The following MAD1L1 variants were observed in gnomAD, a reference collection of about 807,000 sequenced individuals.
MAD1L1 encodes mitotic spindle assembly checkpoint protein MAD1.
Under a neutral mutation model 96.9 loss-of-function variants are expected in MAD1L1, and 95 were observed. The observed-to-expected ratio is 0.98, with a 90% confidence interval of 0.83 to 1.16. MAD1L1 has a LOEUF of 1.16. MAD1L1 is among the 50% of genes most tolerant of loss of function. The pLI, the probability that MAD1L1 is intolerant of heterozygous loss-of-function variation, is 0.00. For synonymous variants in MAD1L1, 473 were observed against 396.6 expected (o/e 1.19, Z -2.29); for missense variants, 1,007 against 954.4 (o/e 1.06, Z -0.73).
intron 11 of MAD1L1, among the ~76,000 whole-genome samples, chr7:2,095,708 G>A (rs745355004): frequency 4.6e-5 from 7 of 152,244 alleles, no homozygotes; most frequent in Non-Finnish European, 8.8e-5. Flanking sequence ...AGGGGCACAG[G>A]GACACACAGG....
intron 11 of MAD1L1, among the ~76,000 whole-genome samples, chr7:2,096,866 G>A (rs1317491703): frequency 2.0e-5 from 3 of 152,130 alleles, no homozygotes; most frequent in East Asian, 1.9e-4. Flanking sequence ...TGGCCCAGGC[G>A]TGGGCCCCAC....
chr7:2,170,256 G>A (rs1397445060), intron 10 of MAD1L1, among the ~76,000 whole-genome samples: 1 of 152,216 alleles, frequency 6.6e-6, no homozygotes, highest in Non-Finnish European at 1.5e-5. Flanking sequence ...GGCAGCACAC[G>A]TGCACATAAA....
At chr7:1,967,721 G>A (rs1391793735) in intron 15 of MAD1L1, among the ~76,000 whole-genome samples, 1 of 152,218 alleles carries the variant, frequency 6.6e-6, no homozygotes. Flanking sequence ...GTGAGGAAGG[G>A]CTCAGAAAAC....
chr7:1,850,979 G>C (rs1783941270), intron 18 of MAD1L1, among the ~76,000 whole-genome samples: 3 of 152,212 alleles, frequency 2.0e-5, no homozygotes, highest in Admixed American at 2.0e-4. Context: ...TCGCGTCCGT[G>C]GGTCGAGGAC....
intron 16 of MAD1L1, among the ~76,000 whole-genome samples, chr7:1,951,385 T>C (rs902512694): frequency 4.6e-5 from 7 of 152,054 alleles, no homozygotes; most frequent in Non-Finnish European, 1.5e-5. Context: ...CCGTCCGGGG[T>C]GTGGCTCACT....
chr7:2,160,249 AT>A (rs997599409), intron 10 of MAD1L1, among the ~76,000 whole-genome samples: 3 of 151,712 alleles, frequency 2.0e-5, no homozygotes, highest in South Asian at 4.2e-4. Flanking sequence ...AAAAAAAAAA[AT>A]CTAAAAGATA....
chr7:1,985,467 T>TCG (rs1406265760), intron 14 of MAD1L1, among the ~76,000 whole-genome samples: 2 of 151,912 alleles, frequency 1.3e-5, no homozygotes, highest in Non-Finnish European at 2.9e-5. Flanking sequence ...AGTCACTCTC[T>TCG]CGGGATAGAC....
At chr7:2,116,578 G>C (rs963125927) in intron 11 of MAD1L1, among the ~76,000 whole-genome samples, 2 of 150,742 alleles carry the variant, frequency 1.3e-5, no homozygotes, top group African/African-American at 2.4e-5. Flanking sequence ...GGGGGGGGGG[G>C]GGGCTCCTGT....
At chr7:2,117,495 CAT>C (rs776145535) in intron 11 of MAD1L1, among the ~76,000 whole-genome samples, 11 of 152,210 alleles carry the variant, frequency 7.2e-5, no homozygotes, top group Admixed American at 3.9e-4. Context: ...ATAATGCCCA[CAT>C]GTCATGGGAG....
chr7:2,029,953 T>C (rs3735210), intron 12 of MAD1L1, among the ~76,000 whole-genome samples: 11,658 of 152,228 alleles, frequency 0.077, 956 homozygotes, highest in African/African-American at 0.2. Flanking sequence ...AGATCATCCC[T>C]AGCGCCCAGA....
At chr7:2,052,350 T>A (rs1020395710) in intron 12 of MAD1L1, among the ~76,000 whole-genome samples, 3 of 152,136 alleles carry the variant, frequency 2.0e-5, no homozygotes, top group African/African-American at 7.2e-5. Flanking sequence ...GGTAACAGCC[T>A]CAGGAAGACC....
intron 10 of MAD1L1, among the ~76,000 whole-genome samples, chr7:2,182,120 T>C (rs1374252325): frequency 3.3e-5 from 5 of 151,790 alleles, no homozygotes; most frequent in South Asian, 4.2e-4. Context: ...CCAAAAACTA[T>C]TGAAATAAAA....
chr7:1,980,381 A>C, intron 15 of MAD1L1, 72 bp downstream of exon 15: 1 of 1,334,424 alleles, frequency 7.5e-7, no homozygotes. Context: ...CCCGCAGGAC[A>C]CACCTGGGCG....
At chr7:2,093,138 G>A (rs761436621) in intron 11 of MAD1L1, among the ~76,000 whole-genome samples, 6 of 151,460 alleles carry the variant, frequency 4.0e-5, no homozygotes, top group South Asian at 2.1e-4. Flanking sequence ...CCAGCTACTC[G>A]GGAGACTGAG....
At chr7:1,888,530 G>A (rs12699430) in intron 18 of MAD1L1, among the ~76,000 whole-genome samples, 3,756 of 121,944 alleles carry the variant, frequency 0.031, 56 homozygotes, top group Non-Finnish European at 0.042. Flanking sequence ...ATGCGTGTGT[G>A]GTTGCCTGTG....
At chr7:1,898,417 G>A in intron 17 of MAD1L1, 27 bp from the exon 18 acceptor site, 1 of 1,606,616 alleles carries the variant, frequency 6.2e-7, no homozygotes, top group Non-Finnish European at 8.5e-7. Flanking sequence ...AGGAGACAGT[G>A]AGTGCGGCAC....
At chr7:1,840,131 C>T (rs1366178407) in intron 18 of MAD1L1, among the ~76,000 whole-genome samples, 2 of 152,194 alleles carry the variant, frequency 1.3e-5, no homozygotes, top group Non-Finnish European at 2.9e-5. Context: ...ATCCCCCAAG[C>T]CCAGGTCTGA....
chr7:2,224,905 C>T (rs528315227), intron 4 of MAD1L1, among the ~76,000 whole-genome samples: 41 of 152,280 alleles, frequency 2.7e-4, no homozygotes, highest in Non-Finnish European at 5.3e-4. Flanking sequence ...AGCATGGACC[C>T]GAGACCCTGA....
At chr7:2,231,478 GCA>G (rs376061079) in intron 1 of MAD1L1, among the ~76,000 whole-genome samples, 14 of 152,188 alleles carry the variant, frequency 9.2e-5, no homozygotes, top group African/African-American at 3.4e-4. Flanking sequence ...GTGGTGGCGT[GCA>G]CCTGTAATCC....
Sources: gnomAD v4.1 joint callset for allele counts (sites outside exome capture counted in the v4.1 genomes callset) on GRCh38, gnomAD v4.1.1 for gene constraint, MANE v1.5 for transcripts, NCBI Gene and HGNC (gene_info 2026-07-23, HGNC 2026-07-21) for gene names.